The following ZNF99 variants were observed in gnomAD, a reference collection of about 807,000 sequenced individuals.
ZNF99 encodes zinc finger protein 99, also known as zinc finger protein ENSP00000375192.
ZNF99 carries 8 observed loss-of-function variants against 12.8 expected under a neutral mutation model. That is an observed-to-expected ratio of 0.62 (90% CI 0.37 to 1.13). ZNF99 has a LOEUF of 1.13. Among genes scored for constraint, ZNF99 ranks in the 50% most tolerant of loss-of-function variants. The pLI is 0.02. For synonymous variants in ZNF99, 318 were observed against 319.0 expected (o/e 1.00, Z 0.03); for missense variants, 1,007 against 1,006.2 (o/e 1.00, Z -0.01).
In ZNF99 at chr19:22,756,275, C is replaced by T. The variant is rs543574492; in HGVS notation, c.*1039G>A. On this transcript the variant is annotated 3_prime_UTR_variant, in exon 4 of 4. Coordinates refer to ENST00000596209, the MANE Select transcript of ZNF99 (RefSeq NM_001080409.3). ...TGAAAGATGGTTAAAAGCTTTGCCACATTCTTCACATTTGTAGGTTTTCCC... is the reference window on the plus strand; with the variant it reads ...TGAAAGATGGTTAAAAGCTTTGCCATATTCTTCACATTTGTAGGTTTTCCC... The T allele has an allele frequency of 3.2e-6, 5 of 1,568,788 alleles. 2 individuals are homozygous for T. The African/African-American group carries it at 6.1e-5, about 19-fold the overall frequency.
In ZNF99 at chr19:22,783,997, G is replaced by T. The variant is rs1973419741; in HGVS notation, c.3+17C>A. ...AGCCCCTTCCCCTTCTCAGGATATC[G>T]GACCCGGCACTCTCACCATTTCTAA... On this transcript the variant is annotated intron_variant, in intron 1 of 3. Transcript: ENST00000596209. 2 of 1,613,604 alleles carry T rather than the reference G, an allele frequency of 1.2e-6. No homozygotes were observed. The highest frequency in any genetic ancestry group is 1.3e-5 in the African/African-American group (1 of 74,876).
chr19:22,757,286 C>A lies in ZNF99; in HGVS notation c.*28G>T, dbSNP rs1328972300. The A allele has an allele frequency of 6.2e-7, 1 of 1,613,048 alleles. No homozygotes were observed. Among genetic ancestry groups the A allele is most frequent in the African/African-American group, 1.3e-5 (1 of 74,842 alleles). On this transcript the variant is annotated 3_prime_UTR_variant, in exon 4 of 4. Coordinates refer to ENST00000596209, the MANE Select transcript of ZNF99 (RefSeq NM_001080409.3). Reference sequence around the variant, plus strand: ...GTTAAAAGCTTTGCCACATTCTTCACATTTGTAGGGTTTCTTTCCAGTATG... The same window carrying A: ...GTTAAAAGCTTTGCCACATTCTTCAAATTTGTAGGGTTTCTTTCCAGTATG...
At position 22,756,824 on chromosome 19, in the gene ZNF99, T is replaced by C; in HGVS notation, c.*490A>G. 6.2e-7 allele frequency: 1 copy of C among 1,606,734 alleles called. No homozygotes were observed. The highest frequency in any genetic ancestry group is 8.5e-7 in the Non-Finnish European group (1 of 1,176,696). On this transcript the variant is annotated 3_prime_UTR_variant, in exon 4 of 4. Coordinates refer to ENST00000596209, the MANE Select transcript of ZNF99 (RefSeq NM_001080409.3). ...TTTCCAGTATAATTATCTCATGTTT[T>C]CTAAGGGCTGAGAAATGCTTAAAAG...
In ZNF99 at chr19:22,752,424, C is replaced by T. The variant is rs1167633483; in HGVS notation, c.*4890G>A. On this transcript the variant is annotated 3_prime_UTR_variant, in exon 4 of 4. Transcript: ENST00000596209. ...GCTATATATGGCAGAAATATATCTA[C>T]ACACTATGTACCCATAAAAGTTAAG... The T allele has an allele frequency of 6.6e-6, 1 of 151,266 alleles. No homozygotes were observed. The highest frequency in any genetic ancestry group is 1.5e-5 in the Non-Finnish European group (1 of 67,912). The allele number at this position is 151,266 out of a possible 1,614,324, so 9.4% of individuals were successfully genotyped here.
chr19:22,760,760 A>T (rs187546824), intron 3 of ZNF99, among the ~76,000 whole-genome samples: 1 of 152,094 alleles, frequency 6.6e-6, no homozygotes, highest in Non-Finnish European at 1.5e-5. Flanking sequence ...AAATAAATGA[A>T]TAAAATAAAA....
chr19:22,765,129 T>C (rs915407567), intron 3 of ZNF99, among the ~76,000 whole-genome samples: 8 of 152,200 alleles, frequency 5.3e-5, no homozygotes, highest in Admixed American at 4.6e-4. Flanking sequence ...GTGAGATATA[T>C]ATATAATGGA....
At chr19:22,767,322 G>A (rs1973215825) in intron 3 of ZNF99, among the ~76,000 whole-genome samples, 1 of 152,064 alleles carries the variant, frequency 6.6e-6, no homozygotes, top group South Asian at 2.1e-4. Context: ...GAAAGAAGAT[G>A]CCTGAGTGGC....
In ZNF99 at chr19:22,753,742, A is replaced by T; in HGVS notation, c.*3572T>A. The T allele has an allele frequency of 5.7e-6, 1 of 174,028 alleles. No homozygotes were observed. Among genetic ancestry groups the T allele is most frequent in the South Asian group, 1.3e-4 (1 of 7,874 alleles). 10.8% of individuals were successfully genotyped at this position (174,028 alleles called of 1,614,324 possible). A position where few individuals can be genotyped will look rare whatever the true frequency, so the allele number is the denominator to read the frequency against. On this transcript the variant is annotated 3_prime_UTR_variant, in exon 4 of 4. Transcript: ENST00000596209. ...TAAGTATAAACTCTGTGATGTTAAG[A>T]TGTGAGCAGATATTAATGGCTTTTC...
At position 22,757,489 on chromosome 19, in the gene ZNF99, T is replaced by C. The variant is rs188134134; in HGVS notation, c.2420A>G (p.His807Arg). 2.1e-4 allele frequency: 333 copies of C among 1,611,242 alleles called. 3 individuals are homozygous for C. The East Asian group carries it at 5.4e-3, about 26-fold the overall frequency. Residue 807 changes from histidine (H) to arginine (R), a missense_variant, in exon 4 of 4, where the codon CAT becomes CGT. Transcript: ENST00000596209. The stretch of plus-strand genomic sequence containing the variant: ...TTTCTCTCCAGTATGAATTATCTCA[T>C]GTTTTCTAAGGGTTGAGGAATTGTT... ...AFNNSSTLRK[H>R]EIIHTGEKSY...
chr19:22,759,286 T>C lies in ZNF99; in HGVS notation c.623A>G (p.Lys208Arg). The C allele has an allele frequency of 6.4e-7, 1 of 1,550,496 alleles. No homozygotes were observed. Among genetic ancestry groups the C allele is most frequent in the East Asian group, 2.4e-5 (1 of 41,080 alleles). Residue 208 changes from lysine (K) to arginine (R), a missense_variant, in exon 4 of 4, where the codon AAA becomes AGA. Transcript: ENST00000596209. Reference protein sequence around the residue: ...ENIYKCEERGKAFKWFSTLIK... With the variant: ...ENIYKCEERGRAFKWFSTLIK... ...AAGGGTTGAGAACCATTTAAAGGCT[T>C]TGCCACGTTCTTCACATTTGTAGAT...
chr19:22,776,874 G>A (rs947210551), intron 1 of ZNF99, among the ~76,000 whole-genome samples: 1 of 152,148 alleles, frequency 6.6e-6, no homozygotes, highest in Non-Finnish European at 1.5e-5. Context: ...GGTAAGGTTT[G>A]GTGGCTCATG....
At chr19:22,779,243 G>A (rs1973361567) in intron 1 of ZNF99, among the ~76,000 whole-genome samples, 1 of 144,112 alleles carries the variant, frequency 6.9e-6, no homozygotes, top group African/African-American at 2.8e-5. Flanking sequence ...TAAATAAATC[G>A]GGCCGGGCGC....
In ZNF99 at chr19:22,784,149, G is replaced by C. The variant is rs1437478746; in HGVS notation, c.-133C>G. On this transcript the variant is annotated 5_prime_UTR_variant, in exon 1 of 4. Transcript: ENST00000596209. ...AGCTCCAGCTGGAACCAGAAACAACGGCCCCGCCACATCCCACAAGCCGCC... is the reference window on the plus strand; with the variant it reads ...AGCTCCAGCTGGAACCAGAAACAACCGCCCCGCCACATCCCACAAGCCGCC... 11 of 973,658 alleles carry C rather than the reference G, an allele frequency of 1.1e-5. No individual in the cohort carries two copies. The East Asian group carries it at 2.1e-4, about 19-fold the overall frequency. The allele number at this position is 973,658 out of a possible 1,614,324, so 60.3% of individuals were successfully genotyped here.
rs2145165192 is a variant in ZNF99, at chr19:22,784,109, A to G, written c.-93T>C. On this transcript the variant is annotated 5_prime_UTR_variant, in exon 1 of 4. Transcript: ENST00000596209. ...ACAGAGGCTAAGGACACAGAGCAGT[A>G]AAAACGAGATCCGGAGCTCCAGCTG... 7.0e-7 allele frequency: 1 copy of G among 1,437,724 alleles called. No homozygotes were observed. The highest frequency in any genetic ancestry group is 9.6e-7 in the Non-Finnish European group (1 of 1,039,312). The allele number at this position is 1,437,724 out of a possible 1,614,324, so 89.1% of individuals were successfully genotyped here.
chr19:22,769,087 G>T (rs1973236719), intron 2 of ZNF99, 111 bp downstream of exon 2: 2 of 1,166,220 alleles, frequency 1.7e-6, no homozygotes, highest in Non-Finnish European at 2.4e-6. Context: ...CAGAAAACGG[G>T]TATCTGAAAC....
chr19:22,755,650 T>C lies in ZNF99; in HGVS notation c.*1664A>G, dbSNP rs1388989602. ...CCTCTCCAAGATAAATTATTTTATGTTGAGTAAAGTTTGAGGACTGGTTAA... is the reference window on the plus strand; with the variant it reads ...CCTCTCCAAGATAAATTATTTTATGCTGAGTAAAGTTTGAGGACTGGTTAA... On this transcript the variant is annotated 3_prime_UTR_variant, in exon 4 of 4. Coordinates refer to ENST00000596209, the MANE Select transcript of ZNF99 (RefSeq NM_001080409.3). 7.1e-6 allele frequency: 2 copies of C among 282,284 alleles called. No individual in the cohort carries two copies. Among genetic ancestry groups the C allele is most frequent in the African/African-American group, 4.5e-5 (2 of 44,832 alleles). 17.5% of individuals were successfully genotyped at this position (282,284 alleles called of 1,614,324 possible). A position where few individuals can be genotyped will look rare whatever the true frequency, so the allele number is the denominator to read the frequency against.
intron 1 of ZNF99, among the ~76,000 whole-genome samples, chr19:22,777,950 G>GGGAATTGAATAATGAGAACAATT (rs1973346970): frequency 7.0e-6 from 1 of 143,422 alleles, no homozygotes; most frequent in Non-Finnish European, 1.5e-5. Context: ...ACTCATAGGT[G>GGGAATTGAATAATGAGAACAATT]GGAATTGAAT....
Position 22,768,459 on chromosome 19 carries a change from A to T in ZNF99, c.131-59T>A, listed in dbSNP as rs1046452841. The T allele has an allele frequency of 5.1e-6, 7 of 1,383,660 alleles. No homozygotes were observed. The African/African-American group carries it at 1.0e-4, about 20-fold the overall frequency. The allele number at this position is 1,383,660 out of a possible 1,614,324, so 85.7% of individuals were successfully genotyped here. ...CTCATATTCCCCAAATAATGTGCTC[A>T]TTAAAGAGAATGTAATAGAATATTC... On this transcript the variant is annotated intron_variant, in intron 2 of 3. Coordinates refer to ENST00000596209, the MANE Select transcript of ZNF99 (RefSeq NM_001080409.3).
In ZNF99 at chr19:22,755,403, T is replaced by C. The variant is rs12973801; in HGVS notation, c.*1911A>G. 7,509 of 301,504 alleles carry C rather than the reference T, an allele frequency of 0.025. 105 individuals are homozygous for C. The highest frequency in any genetic ancestry group is 0.066 in the East Asian group (796 of 12,062). 18.7% of individuals were successfully genotyped at this position (301,504 alleles called of 1,614,324 possible). A position where few individuals can be genotyped will look rare whatever the true frequency, so the allele number is the denominator to read the frequency against. On this transcript the variant is annotated 3_prime_UTR_variant, in exon 4 of 4. Transcript: ENST00000596209. ...TCTCTTCAGTATGAATTATCTTATG[T>C]TCAGTAAGGTTTGAGGACCAGTTAA... is the stretch of plus-strand genomic sequence containing the variant.
Sources: allele counts gnomAD v4.1 joint callset (sites outside exome capture counted in the v4.1 genomes callset), GRCh38; gene constraint gnomAD v4.1.1; transcripts MANE v1.5; gene names NCBI Gene and HGNC (gene_info 2026-07-23, HGNC 2026-07-21).